MALRD1: variants seen among roughly 807,000 people sequenced by gnomAD.
MALRD1 encodes the protein MAM and LDL receptor class A domain containing 1.
Under a neutral mutation model 242.1 loss-of-function variants are expected in MALRD1, and 247 were observed. The observed-to-expected ratio is 1.02, with a 90% CI of 0.92 to 1.13. The LOEUF is 1.13. Ranked by LOEUF, MALRD1 falls within the 50% of genes most tolerant of loss-of-function variation. The pLI is 0.00. For synonymous variants in MALRD1, 995 were observed against 866.6 expected, an observed-to-expected ratio of 1.15 and a Z score of -2.60; for missense variants, 2,989 against 2,533.1, an observed-to-expected ratio of 1.18 and a Z score of -3.86.
chr10:19,310,312 T>G (rs1842375681), intron 21 of MALRD1, among the ~76,000 whole-genome samples: 1 of 151,544 alleles, frequency 6.6e-6, no homozygotes, highest in Non-Finnish European at 1.5e-5. Context: ...TGAAATCTTC[T>G]GAGTAAGTGA....
intron 32 of MALRD1, among the ~76,000 whole-genome samples, chr10:19,542,882 T>C (rs1276679180): frequency 3.3e-5 from 5 of 152,232 alleles, no homozygotes; most frequent in South Asian, 4.1e-4. Flanking sequence ...GTTGAAGTTA[T>C]GTTGTTGAAT....
intron 14 of MALRD1, among the ~76,000 whole-genome samples, chr10:19,190,617 TAC>T (rs1835928729): frequency 1.3e-5 from 2 of 150,460 alleles, no homozygotes; most frequent in African/African-American, 2.4e-5. Context: ...TGGAATAGAT[TAC>T]AGAGTCCAGA....
intron 26 of MALRD1, among the ~76,000 whole-genome samples, chr10:19,361,721 A>T (rs1419223041): frequency 6.6e-6 from 1 of 152,026 alleles, no homozygotes; most frequent in Non-Finnish European, 1.5e-5. Flanking sequence ...TTTCTGGAAG[A>T]CCTCAATAGA....
rs1275361148 is a variant in MALRD1, at chr10:19,204,318, G to A, written c.2115G>A (p.Met705Ile). Residue 705 changes from methionine to isoleucine, a missense_variant, in exon 16 of 40, where the codon ATG (methionine) becomes ATA (isoleucine). Met to Ile is a conservative substitution (Grantham distance 10). Coordinates refer to ENST00000454679, the MANE Select transcript of MALRD1 (RefSeq NM_001142308.3). ...HSLNASQGHF[M>I]FILKKSSSLW... The stretch of plus-strand genomic sequence containing the variant: ...TTTTTATCTCAACAGGGCATTTTAT[G>A]TTCATTCTGAAGAAAAGCAGCAGCT... 4 of 1,239,076 alleles carry A rather than the reference G, an allele frequency of 3.2e-6. No individual in the cohort carries two copies. The highest frequency in any genetic ancestry group is 2.7e-5 in the South Asian group (2 of 74,126). The allele number at this position is 1,239,076 out of a possible 1,614,324, so 76.8% of individuals were successfully genotyped here.
At chr10:19,216,115 CTTTCT>C (rs1257876357) in intron 18 of MALRD1, among the ~76,000 whole-genome samples, 2 of 114,354 alleles carry the variant, frequency 1.7e-5, no homozygotes, top group African/African-American at 5.8e-5. Flanking sequence ...TTCTTTCTTT[CTTTCT>C]TTTTTTTTTT....
chr10:19,106,572 TA>T (rs1239542144), intron 5 of MALRD1, among the ~76,000 whole-genome samples: 2 of 151,896 alleles, frequency 1.3e-5, no homozygotes, highest in Non-Finnish European at 2.9e-5. Flanking sequence ...TTATCTTTTT[TA>T]AAAAAACAAC....
chr10:19,568,879 G>A (rs1222445661), intron 33 of MALRD1, among the ~76,000 whole-genome samples: 2 of 151,870 alleles, frequency 1.3e-5, no homozygotes, highest in Admixed American at 6.6e-5. Context: ...TGTGCCAGGC[G>A]ATGGGCTAAG....
chr10:19,714,673 A>T (rs1018875129), intron 38 of MALRD1, among the ~76,000 whole-genome samples: 1 of 152,140 alleles, frequency 6.6e-6, no homozygotes, highest in Non-Finnish European at 1.5e-5. Flanking sequence ...TGACACATCC[A>T]TAAAAGTGTT....
At chr10:19,379,954 G>T (rs1412113251) in intron 26 of MALRD1, among the ~76,000 whole-genome samples, 5 of 150,956 alleles carry the variant, frequency 3.3e-5, no homozygotes, top group Non-Finnish European at 7.4e-5. Context: ...GATAAACACT[G>T]AAGTTTTATT....
chr10:19,264,917 A>G (rs148208123), intron 19 of MALRD1, among the ~76,000 whole-genome samples: 5 of 152,140 alleles, frequency 3.3e-5, no homozygotes, highest in African/African-American at 1.2e-4. Flanking sequence ...TAATTATTCA[A>G]TCTCATTACT....
chr10:19,428,337 C>T (rs1425936224), intron 28 of MALRD1, among the ~76,000 whole-genome samples: 2 of 152,024 alleles, frequency 1.3e-5, no homozygotes, highest in African/African-American at 4.8e-5. Flanking sequence ...TTGGAAACTG[C>T]TTCAGAAAAG....
At chr10:19,564,727 A>G (rs1836176426) in intron 32 of MALRD1, among the ~76,000 whole-genome samples, 1 of 152,154 alleles carries the variant, frequency 6.6e-6, no homozygotes, top group Non-Finnish European at 1.5e-5. Context: ...AACAAATGAC[A>G]TTAGAATTAA....
intron 31 of MALRD1, among the ~76,000 whole-genome samples, chr10:19,504,942 A>G (rs1218005543): frequency 6.6e-6 from 1 of 151,606 alleles, no homozygotes. Flanking sequence ...TCGGCCTCCC[A>G]AAGTGCTGGG....
intron 18 of MALRD1, among the ~76,000 whole-genome samples, 181 bp downstream of exon 18, chr10:19,209,861 C>T (rs1836967530): frequency 6.6e-6 from 1 of 152,042 alleles, no homozygotes; most frequent in African/African-American, 2.4e-5. Flanking sequence ...CCTTGACTAC[C>T]CCCAATGATG....
At chr10:19,247,700 A>T (rs1486414609) in intron 18 of MALRD1, among the ~76,000 whole-genome samples, 1 of 152,108 alleles carries the variant, frequency 6.6e-6, no homozygotes, top group Non-Finnish European at 1.5e-5. Context: ...ATTTTCAAGG[A>T]AGTCAAATTT....
chr10:19,460,692 C>T (rs4325199), intron 29 of MALRD1, among the ~76,000 whole-genome samples: 124,126 of 152,080 alleles, frequency 0.82, 50,824 homozygotes, highest in East Asian at 1. Flanking sequence ...CTACCTAAAA[C>T]AGTGGGGGTG....
chr10:19,179,452 C>G (rs946245349), intron 14 of MALRD1, among the ~76,000 whole-genome samples: 2 of 152,034 alleles, frequency 1.3e-5, no homozygotes, highest in Non-Finnish European at 2.9e-5. Flanking sequence ...GAGTTCAAGA[C>G]CAGCCTGGCC....
At chr10:19,596,966 C>A (rs957845411) in intron 34 of MALRD1, among the ~76,000 whole-genome samples, 9 of 151,942 alleles carry the variant, frequency 5.9e-5, no homozygotes, top group African/African-American at 2.2e-4. Flanking sequence ...CTCTAGAAAT[C>A]TGGAACAATT....
At chr10:19,674,786 G>T (rs1842067806) in intron 36 of MALRD1, among the ~76,000 whole-genome samples, 1 of 151,372 alleles carries the variant, frequency 6.6e-6, no homozygotes, top group Admixed American at 6.6e-5. Flanking sequence ...AACAAGACTG[G>T]TTTCTATTGA....
Sources: allele counts gnomAD v4.1 joint callset (sites outside exome capture counted in the v4.1 genomes callset), GRCh38; gene constraint gnomAD v4.1.1; transcripts MANE v1.5; gene names NCBI Gene and HGNC (gene_info 2026-07-23, HGNC 2026-07-21).